CADPS2: variants seen among roughly 807,000 people sequenced by gnomAD.
The protein encoded by CADPS2 is calcium-dependent secretion activator 2.
In CADPS2, 93 loss-of-function variants were observed where a neutral mutation model predicts 172.5. That is an observed-to-expected ratio of 0.54 (90% CI 0.46 to 0.64). The LOEUF (loss-of-function observed/expected upper bound fraction) is 0.64. CADPS2 is among the 30% of genes least tolerant of loss of function. CADPS2 has a pLI of 0.00. For missense variants in CADPS2, 1,420 were observed against 1,565.9 expected, an observed-to-expected ratio of 0.91 and a Z score of 1.57; for synonymous variants, 546 against 555.2, an observed-to-expected ratio of 0.98 and a Z score of 0.23.
In CADPS2 at chr7:122,738,320, C is replaced by G. The variant is rs113842817; in HGVS notation, c.340-1252G>C. Among the ~76,000 whole-genome samples the G allele has an allele frequency of 3.1e-3, 468 of 151,976 alleles. 2 individuals are homozygous for G. The highest frequency in any genetic ancestry group is 0.01 in the African/African-American group (421 of 41,450). ...AAGCTGAGTGCAGAGCCCTTCTAGG[C>G]ACTAAGCCCTGCACAACTGTACACA... On this transcript the variant is annotated intron_variant, in intron 1 of 29. Transcript: ENST00000449022.
chr7:122,506,996 C>A (rs1464621714), intron 9 of CADPS2, among the ~76,000 whole-genome samples: 1 of 152,022 alleles, frequency 6.6e-6, no homozygotes, highest in Non-Finnish European at 1.5e-5. Context: ...TAAAATTCCA[C>A]AGATAAAGTA....
chr7:122,399,717 C>G (rs890811201), intron 20 of CADPS2, among the ~76,000 whole-genome samples: 1 of 94,934 alleles, frequency 1.1e-5, no homozygotes, highest in Non-Finnish European at 2.0e-5. Context: ...GACGGAGTCT[C>G]GCTCTGTCAC....
At chr7:122,714,236 G>A (rs975274891) in intron 2 of CADPS2, among the ~76,000 whole-genome samples, 2 of 151,886 alleles carry the variant, frequency 1.3e-5, no homozygotes, top group Non-Finnish European at 2.9e-5. Context: ...AAAAGTAAAC[G>A]ATATTCCATA....
chr7:122,625,354 T>G (rs2075989642), intron 4 of CADPS2, among the ~76,000 whole-genome samples: 1 of 152,176 alleles, frequency 6.6e-6, no homozygotes, highest in South Asian at 2.1e-4. Context: ...CTAGCCCAAT[T>G]AATTTTGTTT....
intron 8 of CADPS2, among the ~76,000 whole-genome samples, chr7:122,542,611 T>C (rs10259052): frequency 0.015 from 2,295 of 152,272 alleles, 58 homozygotes; most frequent in African/African-American, 0.052. Flanking sequence ...CTATATTCTT[T>C]GCAGTATTTT....
At chr7:122,568,258 A>G (rs1246844445) in intron 7 of CADPS2, among the ~76,000 whole-genome samples, 2 of 151,966 alleles carry the variant, frequency 1.3e-5, no homozygotes, top group Non-Finnish European at 1.5e-5. Flanking sequence ...AACAACAACA[A>G]TAACAACAAA....
At chr7:122,754,540 A>C (rs1024925600) in intron 1 of CADPS2, among the ~76,000 whole-genome samples, 5 of 152,134 alleles carry the variant, frequency 3.3e-5, no homozygotes, top group Admixed American at 2.6e-4. Flanking sequence ...ACAATAGCAC[A>C]ATCTCGGCTC....
At chr7:122,871,327 A>G (rs1235227091) in intron 1 of CADPS2, among the ~76,000 whole-genome samples, 2 of 152,024 alleles carry the variant, frequency 1.3e-5, no homozygotes, top group Non-Finnish European at 2.9e-5. Context: ...AGGATTTTCT[A>G]TTTGCAGGAT....
intron 2 of CADPS2, among the ~76,000 whole-genome samples, chr7:122,688,631 T>G (rs1357252135): frequency 6.6e-6 from 1 of 152,180 alleles, no homozygotes; most frequent in African/African-American, 2.4e-5. Context: ...GCCTTCAGGG[T>G]CAGCAGCTTA....
chr7:122,414,927 G>A lies in CADPS2; in HGVS notation c.2581-851C>T, dbSNP rs548431132. Among the ~76,000 whole-genome samples, 16 of 152,246 alleles carry A rather than the reference G, an allele frequency of 1.1e-4. No individual in the cohort carries two copies. The South Asian group carries it at 1.2e-3, about 12-fold the overall frequency. On this transcript the variant is annotated intron_variant, in intron 18 of 29. Coordinates refer to ENST00000449022, the MANE Select transcript of CADPS2 (RefSeq NM_017954.11). ...TTCATGTGCTTCCTCAAGAATAAAAGCACTGTCAGGGCACTGACATTTATT... is the reference window on the plus strand; with the variant it reads ...TTCATGTGCTTCCTCAAGAATAAAAACACTGTCAGGGCACTGACATTTATT...
At chr7:122,853,269 C>G (rs1814196148) in intron 1 of CADPS2, among the ~76,000 whole-genome samples, 1 of 152,206 alleles carries the variant, frequency 6.6e-6, no homozygotes, top group Non-Finnish European at 1.5e-5. Flanking sequence ...GCCTCCTCTA[C>G]TCCATGTGGC....
At chr7:122,675,443 G>T (rs570504798) in intron 2 of CADPS2, among the ~76,000 whole-genome samples, 1 of 152,230 alleles carries the variant, frequency 6.6e-6, no homozygotes, top group Admixed American at 6.5e-5. Flanking sequence ...TTATTTTTTG[G>T]AAAAGTCATC....
chr7:122,614,330 C>G (rs1351991199), intron 6 of CADPS2, among the ~76,000 whole-genome samples: 1 of 152,062 alleles, frequency 6.6e-6, no homozygotes, highest in Non-Finnish European at 1.5e-5. Flanking sequence ...CTGTATCTCC[C>G]TATCCTGCCT....
intron 9 of CADPS2, among the ~76,000 whole-genome samples, chr7:122,505,357 ATT>A (rs1407035919): frequency 6.6e-6 from 1 of 152,154 alleles, no homozygotes; most frequent in Non-Finnish European, 1.5e-5. Context: ...TGAGACAATT[ATT>A]TTTTAAAAAA....
At chr7:122,333,982 T>C (rs1338736110) in intron 28 of CADPS2, among the ~76,000 whole-genome samples, 1 of 151,918 alleles carries the variant, frequency 6.6e-6, no homozygotes, top group Admixed American at 6.6e-5. Context: ...CACTGTTGAC[T>C]TGAATCACAT....
chr7:122,391,899 G>A (rs1406577435), intron 22 of CADPS2, among the ~76,000 whole-genome samples: 9 of 152,098 alleles, frequency 5.9e-5, no homozygotes, highest in African/African-American at 1.2e-4. Flanking sequence ...GTAGTCAAAC[G>A]AACCTGGGTT....
Position 122,467,226 on chromosome 7 carries a change from T to C in CADPS2, c.2186+4149A>G, listed in dbSNP as rs531630743. On this transcript the variant is annotated intron_variant, in intron 14 of 29. Coordinates refer to ENST00000449022, the MANE Select transcript of CADPS2 (RefSeq NM_017954.11). ...TCTGGTTGCTCACCTGCCCCAAAAG[T>C]GAGTCTCTCCATTTACAACGTGTGT... Among the ~76,000 whole-genome samples the C allele has an allele frequency of 6.6e-5, 10 of 152,312 alleles. No individual in the cohort carries two copies. The East Asian group carries it at 1.2e-3, about 18-fold the overall frequency.
At chr7:122,814,040 T>G (rs768257331) in intron 1 of CADPS2, among the ~76,000 whole-genome samples, 4 of 152,046 alleles carry the variant, frequency 2.6e-5, no homozygotes, top group African/African-American at 9.7e-5. Flanking sequence ...ATCCCCATTT[T>G]ATAGCTAAGT....
intron 1 of CADPS2, among the ~76,000 whole-genome samples, chr7:122,783,477 G>A (rs1390582625): frequency 6.6e-6 from 1 of 152,156 alleles, no homozygotes; most frequent in Admixed American, 6.5e-5. Flanking sequence ...CCTCTCACAG[G>A]AGCACCAGCT....
Sources: gnomAD v4.1 joint callset for allele counts (sites outside exome capture counted in the v4.1 genomes callset) on GRCh38, gnomAD v4.1.1 for gene constraint, MANE v1.5 for transcripts, NCBI Gene and HGNC (gene_info 2026-07-23, HGNC 2026-07-21) for gene names.